The following GULP1 variants were observed in gnomAD, a reference collection of about 807,000 sequenced individuals.
GULP1 encodes GULP PTB domain containing engulfment adaptor 1, also known as PTB domain-containing engulfment adapter protein 1.
GULP1 carries 19 observed loss-of-function variants against 40.9 expected under a neutral mutation model. The observed-to-expected ratio is 0.46, with a 90% CI of 0.32 to 0.68. GULP1 has a LOEUF of 0.68. Ranked by LOEUF, GULP1 falls within the 30% of genes least tolerant of loss-of-function variation. The pLI is 0.03. For synonymous variants in GULP1, 119 were observed against 117.6 expected, an observed-to-expected ratio of 1.01 and a Z score of -0.08; for missense variants, 312 against 362.2, an observed-to-expected ratio of 0.86 and a Z score of 1.12.
At chr2:188,376,496 A>G (rs1461852482) in intron 1 of GULP1, among the ~76,000 whole-genome samples, 1 of 152,222 alleles carries the variant, frequency 6.6e-6, no homozygotes, top group Non-Finnish European at 1.5e-5. Flanking sequence ...CAACCAAGTT[A>G]AAAGAATAAA....
intron 7 of GULP1, among the ~76,000 whole-genome samples, chr2:188,556,504 A>G (rs1694799269): frequency 6.6e-6 from 1 of 152,138 alleles, no homozygotes; most frequent in African/African-American, 2.4e-5. Context: ...AGCTTCTTTC[A>G]AATCAGTATC....
intron 2 of GULP1, among the ~76,000 whole-genome samples, chr2:188,437,681 C>T (rs116726709): frequency 6.3e-4 from 96 of 152,068 alleles, no homozygotes; most frequent in African/African-American, 2.3e-3. Flanking sequence ...ACCCTAAATG[C>T]CCATCAGTGA....
intron 6 of GULP1, among the ~76,000 whole-genome samples, chr2:188,540,517 A>G (rs1690201596): frequency 6.6e-6 from 1 of 151,898 alleles, no homozygotes; most frequent in Non-Finnish European, 1.5e-5. Context: ...CTACTGATGA[A>G]TAGATTTGAC....
intron 9 of GULP1, among the ~76,000 whole-genome samples, chr2:188,573,031 T>C (rs977940672): frequency 1.3e-5 from 2 of 152,132 alleles, no homozygotes; most frequent in Non-Finnish European, 2.9e-5. Flanking sequence ...TATGTGAAAA[T>C]AGAATTTATT....
intron 2 of GULP1, among the ~76,000 whole-genome samples, chr2:188,421,378 G>A (rs1450875050): frequency 5.3e-5 from 8 of 151,882 alleles, no homozygotes; most frequent in Non-Finnish European, 5.9e-5. Flanking sequence ...AAATATTTGT[G>A]CATTCATGTA....
chr2:188,532,356 G>T (rs905042318), intron 6 of GULP1, among the ~76,000 whole-genome samples: 2 of 152,076 alleles, frequency 1.3e-5, no homozygotes, highest in Non-Finnish European at 2.9e-5. Flanking sequence ...GTTAATAATG[G>T]CATGTCCTTA....
chr2:188,585,194 A>G (rs1702116947), intron 10 of GULP1, among the ~76,000 whole-genome samples: 1 of 152,192 alleles, frequency 6.6e-6, no homozygotes. Flanking sequence ...ATGGACCCCA[A>G]GGCCTTGGGC....
At chr2:188,317,541 T>G (rs756578212) in intron 1 of GULP1, among the ~76,000 whole-genome samples, 10 of 152,136 alleles carry the variant, frequency 6.6e-5, no homozygotes, top group Non-Finnish European at 1.0e-4. Flanking sequence ...CATTGTTTTA[T>G]TTTTCCAGAT....
At chr2:188,354,747 A>G (rs2045034190) in intron 1 of GULP1, among the ~76,000 whole-genome samples, 1 of 152,008 alleles carries the variant, frequency 6.6e-6, no homozygotes, top group Admixed American at 6.6e-5. Flanking sequence ...CAGAATACAC[A>G]TTTTTTTTAA....
At chr2:188,319,332 C>G (rs1355279809) in intron 1 of GULP1, among the ~76,000 whole-genome samples, 1 of 152,130 alleles carries the variant, frequency 6.6e-6, no homozygotes, top group Non-Finnish European at 1.5e-5. Context: ...CCACGTCCCT[C>G]AGAGGTAAAA....
chr2:188,396,742 A>G (rs552589293), intron 2 of GULP1, among the ~76,000 whole-genome samples: 1 of 152,284 alleles, frequency 6.6e-6, no homozygotes, highest in South Asian at 2.1e-4. Context: ...TCGAGATTAT[A>G]TTGTAAATTT....
At chr2:188,313,167 T>A (rs2106398697) in intron 1 of GULP1, among the ~76,000 whole-genome samples, 1 of 152,340 alleles carries the variant, frequency 6.6e-6, no homozygotes, top group Non-Finnish European at 1.5e-5. Flanking sequence ...CAATTGCTTT[T>A]GACGTTTTTG....
At chr2:188,450,779 T>G (rs1246653668) in intron 2 of GULP1, among the ~76,000 whole-genome samples, 1 of 152,198 alleles carries the variant, frequency 6.6e-6, no homozygotes, top group African/African-American at 2.4e-5. Flanking sequence ...AGAATTGCTC[T>G]TCTATAGTTC....
At chr2:188,583,410 G>T (rs182419782) in intron 9 of GULP1, among the ~76,000 whole-genome samples, 1 of 152,110 alleles carries the variant, frequency 6.6e-6, no homozygotes, top group South Asian at 2.1e-4. Flanking sequence ...CAAATTTTTC[G>T]CCACTATTCC....
rs1467438166 is a variant in GULP1 at position 188,383,822 on chromosome 2, A to G, written c.-112A>G. On this transcript the variant is annotated 5_prime_UTR_variant, in exon 2 of 12. Transcript: ENST00000409830. ...AAACTGATAGAAGAATTCTGATGGCAACTGTATGATAGAAGCTATATAAAG... is the reference window on the plus strand; with the variant it reads ...AAACTGATAGAAGAATTCTGATGGCGACTGTATGATAGAAGCTATATAAAG... 2 of 152,170 alleles carry G rather than the reference A, an allele frequency of 1.3e-5. No individual in the cohort carries two copies. Among genetic ancestry groups the G allele is most frequent in the African/African-American group, 4.8e-5 (2 of 41,444 alleles). The allele number at this position is 152,170 out of a possible 1,614,324, so 9.4% of individuals were successfully genotyped here.
intron 2 of GULP1, among the ~76,000 whole-genome samples, chr2:188,450,873 G>A (rs375356577): frequency 2.0e-4 from 31 of 152,172 alleles, no homozygotes; most frequent in East Asian, 1.2e-3. Flanking sequence ...ATTGCAATTC[G>A]AGCACCATCT....
At chr2:188,421,139 C>T (rs1207218640) in intron 2 of GULP1, among the ~76,000 whole-genome samples, 1 of 151,964 alleles carries the variant, frequency 6.6e-6, no homozygotes, top group African/African-American at 2.4e-5. Context: ...TGACATGATC[C>T]TATATGTAGA....
intron 7 of GULP1, among the ~76,000 whole-genome samples, chr2:188,562,801 C>A (rs1448593015): frequency 6.6e-6 from 1 of 152,006 alleles, no homozygotes; most frequent in African/African-American, 2.4e-5. Context: ...ATGGGAGACT[C>A]AATAAGTTTC....
chr2:188,388,773 A>G (rs1277765499), intron 2 of GULP1, among the ~76,000 whole-genome samples: 1 of 152,202 alleles, frequency 6.6e-6, no homozygotes, highest in African/African-American at 2.4e-5. Context: ...TTTATAATGT[A>G]GCAGATGTAC....
Sources: gnomAD v4.1 joint callset for allele counts (sites outside exome capture counted in the v4.1 genomes callset) on GRCh38, gnomAD v4.1.1 for gene constraint, MANE v1.5 for transcripts, NCBI Gene and HGNC (gene_info 2026-07-23, HGNC 2026-07-21) for gene names.